THSD7B: variants seen among roughly 807,000 people sequenced by gnomAD.
THSD7B encodes thrombospondin type-1 domain-containing protein 7B.
THSD7B carries 138 observed loss-of-function variants against 213.6 expected under a neutral mutation model. The observed-to-expected ratio is 0.65, with a 90% CI of 0.56 to 0.74. The LOEUF (loss-of-function observed/expected upper bound fraction) is 0.74, where lower values mean the gene tolerates loss of function less well. THSD7B is among the 30% of genes least tolerant of loss of function. The pLI is 0.00. For missense variants in THSD7B, 1,931 were observed against 1,991.5 expected (o/e 0.97, Z 0.58); for synonymous variants, 742 against 687.0 (o/e 1.08, Z -1.25).
intron 27 of THSD7B, among the ~76,000 whole-genome samples, chr2:137,673,103 G>T (rs1223001527): frequency 6.6e-6 from 1 of 152,184 alleles, no homozygotes; most frequent in Non-Finnish European, 1.5e-5. Flanking sequence ...ACAAAATGTG[G>T]TTTGCTGCTT....
rs534605665 is a variant in THSD7B, at chr2:137,365,937, G to C, written c.2501-39676G>C. Among the ~76,000 whole-genome samples the C allele has an allele frequency of 3.9e-5, 6 of 152,216 alleles. No individual in the cohort carries two copies. In the South Asian group the frequency reaches 1.2e-3, roughly 32 times the overall value. On this transcript the variant is annotated intron_variant, in intron 12 of 27. Transcript: ENST00000409968. The stretch of plus-strand genomic sequence containing the variant: ...AATCATGCTACTATAAAGACACATG[G>C]ACATGTATGTTTATTGTGGCACCAT...
intron 26 of THSD7B, among the ~76,000 whole-genome samples, chr2:137,666,251 C>G (rs1683443815): frequency 1.3e-5 from 2 of 151,954 alleles, no homozygotes; most frequent in African/African-American, 2.4e-5. Flanking sequence ...GGATTATAAG[C>G]TATAAGGAGC....
intron 2 of THSD7B, among the ~76,000 whole-genome samples, chr2:136,953,186 T>C (rs1304633133): frequency 6.6e-6 from 1 of 152,156 alleles, no homozygotes; most frequent in Non-Finnish European, 1.5e-5. Context: ...AGTTTTTAAC[T>C]TGTATTTTGA....
chr2:137,493,024 G>A (rs1032340433), intron 15 of THSD7B, among the ~76,000 whole-genome samples: 10 of 149,796 alleles, frequency 6.7e-5, no homozygotes, highest in African/African-American at 2.2e-4. Flanking sequence ...GGGAGGCTGA[G>A]GAGGGAGAAT....
chr2:137,285,918 A>G (rs895018026), intron 12 of THSD7B, among the ~76,000 whole-genome samples: 1 of 151,934 alleles, frequency 6.6e-6, no homozygotes, highest in Non-Finnish European at 1.5e-5. Flanking sequence ...AGCCTGACCA[A>G]CATGGTGAAA....
intron 5 of THSD7B, among the ~76,000 whole-genome samples, chr2:137,138,489 T>G (rs1679513571): frequency 6.6e-6 from 1 of 152,174 alleles, no homozygotes; most frequent in African/African-American, 2.4e-5. Flanking sequence ...TGACTAATGA[T>G]GCTGAGATAT....
chr2:137,233,750 G>C (rs1681697462), intron 9 of THSD7B, among the ~76,000 whole-genome samples: 1 of 152,188 alleles, frequency 6.6e-6, no homozygotes. Context: ...AGGAAAAAAA[G>C]TAATTGACTA....
chr2:137,142,965 G>C (rs1679619358), intron 5 of THSD7B, among the ~76,000 whole-genome samples: 1 of 152,072 alleles, frequency 6.6e-6, no homozygotes, highest in Non-Finnish European at 1.5e-5. Flanking sequence ...TACATTAACA[G>C]ATATTTCAAT....
chr2:137,516,470 A>G (rs1048818274), intron 15 of THSD7B, among the ~76,000 whole-genome samples: 4 of 152,176 alleles, frequency 2.6e-5, no homozygotes, highest in Admixed American at 1.3e-4. Flanking sequence ...GCCTTTTACC[A>G]GGGTAACTGC....
chr2:136,792,637 T>TATA (rs1297967165), intron 1 of THSD7B, among the ~76,000 whole-genome samples: 10 of 151,980 alleles, frequency 6.6e-5, no homozygotes, highest in Non-Finnish European at 1.5e-4. Flanking sequence ...CACTCTGTAT[T>TATA]AATTCTACTG....
chr2:137,090,929 A>G lies in THSD7B; in HGVS notation c.951-3944A>G, dbSNP rs557641069. Among the ~76,000 whole-genome samples, 6 of 152,328 alleles carry G rather than the reference A, an allele frequency of 3.9e-5. No individual in the cohort carries two copies. In the South Asian group the frequency reaches 1.2e-3, roughly 32 times the overall value. ...TATCGTGATGCAAAGTGCAGGACCC[A>G]GATATTTCTCATTCACCATCTAATG... is the stretch of plus-strand genomic sequence containing the variant. On this transcript the variant is annotated intron_variant, in intron 3 of 27. Transcript: ENST00000409968.
At chr2:137,257,857 A>G (rs1865590) in intron 10 of THSD7B, among the ~76,000 whole-genome samples, 42,412 of 151,998 alleles carry the variant, frequency 0.28, 6,256 homozygotes, top group South Asian at 0.47. Context: ...CGGAATGCAC[A>G]CTCTGGACCC....
chr2:136,870,847 G>A (rs928246458), intron 1 of THSD7B, among the ~76,000 whole-genome samples: 7 of 152,140 alleles, frequency 4.6e-5, no homozygotes, highest in African/African-American at 1.7e-4. Context: ...ATTTTGTAGA[G>A]GAAAGTATAT....
intron 2 of THSD7B, among the ~76,000 whole-genome samples, chr2:136,907,438 T>G (rs1684184191): frequency 6.6e-6 from 1 of 152,156 alleles, no homozygotes. Context: ...AAGTTTAAAG[T>G]TTTTACTTAT....
chr2:136,945,246 C>T (rs1256166290), intron 2 of THSD7B, among the ~76,000 whole-genome samples: 2 of 152,046 alleles, frequency 1.3e-5, no homozygotes, highest in Non-Finnish European at 2.9e-5. Context: ...TTTCTGAGAC[C>T]CTTTCTTCCA....
rs997564852 is a variant in THSD7B, at chr2:137,486,561, A to C, written c.3138+35538A>C. The stretch of plus-strand genomic sequence containing the variant: ...TAATAATGGGAGACTTTAACACCCC[A>C]CTGTCAACATTAGACAGATCAACGA... On this transcript the variant is annotated intron_variant, in intron 15 of 27. Transcript: ENST00000409968. Among the ~76,000 whole-genome samples the C allele has an allele frequency of 3.3e-3, 486 of 149,184 alleles. 2 individuals carry two copies. The highest frequency in any genetic ancestry group is 0.011 in the African/African-American group (453 of 40,760).
At chr2:137,232,769 C>G (rs1400005563) in intron 8 of THSD7B, 130 bp from the exon 9 acceptor site, 1 of 767,968 alleles carries the variant, frequency 1.3e-6, no homozygotes, top group Non-Finnish European at 2.1e-6. Flanking sequence ...CTGAGAAGAA[C>G]AGTGCAGTGG....
In THSD7B at chr2:137,412,614, A is replaced by AAC. The variant is rs1686688021; in HGVS notation, c.2959+743_2959+744insCA. Among the ~76,000 whole-genome samples the AAC allele has an allele frequency of 2.7e-5, 4 of 148,634 alleles. 1 individual carries two copies. Among genetic ancestry groups the AAC allele is most frequent in the Admixed American group, 6.7e-5 (1 of 14,922 alleles). On this transcript the variant is annotated intron_variant, in intron 14 of 27. Transcript: ENST00000409968. ...CTCTGTCTCAAAAAAAAAAAAACAA[A>AAC]AAAAAACAAAAAACAGTTTTACTAT...
At chr2:137,165,213 A>G (rs1219340080) in intron 6 of THSD7B, among the ~76,000 whole-genome samples, 1 of 152,104 alleles carries the variant, frequency 6.6e-6, no homozygotes, top group African/African-American at 2.4e-5. Flanking sequence ...CCTGAACTGT[A>G]GTCACTGACA....
Sources: allele counts gnomAD v4.1 joint callset (sites outside exome capture counted in the v4.1 genomes callset), GRCh38; gene constraint gnomAD v4.1.1; transcripts MANE v1.5; gene names NCBI Gene and HGNC (gene_info 2026-07-23, HGNC 2026-07-21).